Variants in SPECC1 observed in about 807,000 individuals in gnomAD.
The protein encoded by SPECC1 is sperm antigen with calponin homology and coiled-coil domains 1.
A neutral mutation model predicts 104.1 loss-of-function variants in SPECC1; 62 were observed. That is an observed-to-expected ratio of 0.60 (90% confidence interval 0.49 to 0.74). The LOEUF (loss-of-function observed/expected upper bound fraction) is 0.74. Among genes scored for constraint, SPECC1 ranks in the 30% least tolerant of loss-of-function variants. The pLI, the probability that SPECC1 is intolerant of heterozygous loss-of-function variation, is 0.00. For synonymous variants in SPECC1, 513 were observed against 501.6 expected (o/e 1.02, Z -0.30); for missense variants, 1,306 against 1,310.5 (o/e 1.00, Z 0.05).
chr17:20,169,169 A>G (rs536832184), intron 3 of SPECC1, among the ~76,000 whole-genome samples: 4 of 152,330 alleles, frequency 2.6e-5, no homozygotes, highest in African/African-American at 9.6e-5. Flanking sequence ...CACTCTGGCC[A>G]CAATGGTTTG....
intron 3 of SPECC1, among the ~76,000 whole-genome samples, chr17:20,167,935 GGTTAA>G (rs1203084530): frequency 6.6e-6 from 1 of 152,090 alleles, no homozygotes; most frequent in Non-Finnish European, 1.5e-5. Context: ...CTTAGGATCA[GGTTAA>G]GTCAAAGAAG....
intron 4 of SPECC1, among the ~76,000 whole-genome samples, chr17:20,226,076 A>C (rs2038185370): frequency 6.6e-6 from 1 of 152,218 alleles, no homozygotes; most frequent in African/African-American, 2.4e-5. Context: ...AATTGGAAAA[A>C]AATTTCATTT....
At chr17:20,029,780 T>C (rs899419483) in intron 1 of SPECC1, among the ~76,000 whole-genome samples, 8 of 152,242 alleles carry the variant, frequency 5.3e-5, no homozygotes, top group African/African-American at 1.7e-4. Context: ...TTCTAGTAAT[T>C]TGAGTCTTAC....
At chr17:20,175,460 G>T (rs1319955627) in intron 3 of SPECC1, among the ~76,000 whole-genome samples, 1 of 151,988 alleles carries the variant, frequency 6.6e-6, no homozygotes, top group Non-Finnish European at 1.5e-5. Flanking sequence ...ACTTGTATTG[G>T]ATCTTTTCAG....
chr17:20,222,593 GTTAT>G (rs1391313545), intron 4 of SPECC1, among the ~76,000 whole-genome samples: 1 of 152,158 alleles, frequency 6.6e-6, no homozygotes, highest in Non-Finnish European at 1.5e-5. Flanking sequence ...AAAAGTTGTA[GTTAT>G]TTCTCTTGAT....
intron 13 of SPECC1, among the ~76,000 whole-genome samples, chr17:20,303,252 T>C (rs757150027): frequency 6.6e-6 from 1 of 152,218 alleles, no homozygotes; most frequent in Non-Finnish European, 1.5e-5. Flanking sequence ...AATAGGAGAT[T>C]GCTGCCATTA....
At chr17:20,079,256 T>G (rs758205985) in intron 1 of SPECC1, among the ~76,000 whole-genome samples, 6 of 152,190 alleles carry the variant, frequency 3.9e-5, no homozygotes, top group Non-Finnish European at 8.8e-5. Context: ...CTCCTCACTT[T>G]CTTTTCCAAC....
At chr17:20,152,172 C>CT (rs1476410804) in intron 3 of SPECC1, among the ~76,000 whole-genome samples, 1 of 152,048 alleles carries the variant, frequency 6.6e-6, no homozygotes, top group Non-Finnish European at 1.5e-5. Flanking sequence ...TGGTAGCATG[C>CT]ACCTGTAATC....
intron 1 of SPECC1, among the ~76,000 whole-genome samples, chr17:20,060,655 G>A (rs754619994): frequency 2.0e-5 from 3 of 152,104 alleles, no homozygotes; most frequent in Non-Finnish European, 4.4e-5. Flanking sequence ...TACATCTCTT[G>A]ACATATAGGA....
chr17:20,156,658 A>G (rs1403868599), intron 3 of SPECC1, among the ~76,000 whole-genome samples: 1 of 151,870 alleles, frequency 6.6e-6, no homozygotes, highest in African/African-American at 2.4e-5. Context: ...TCTGCCCCTC[A>G]CACTCACGCC....
At chr17:20,017,354 CT>C (rs1416425654) in intron 1 of SPECC1, 1 of 152,758 alleles carries the variant, frequency 6.5e-6, no homozygotes, top group African/African-American at 2.4e-5. Context: ...CCCTTAAGAG[CT>C]GTAACACTCG....
chr17:20,156,871 C>G (rs1329921797), intron 3 of SPECC1, among the ~76,000 whole-genome samples: 16 of 152,092 alleles, frequency 1.1e-4, no homozygotes, highest in Non-Finnish European at 2.9e-5. Context: ...CTTTTAAAAA[C>G]AAAACGAAAC....
intron 7 of SPECC1, 165 bp downstream of exon 7, chr17:20,232,570 T>G: frequency 3.6e-5 from 26 of 726,426 alleles, no homozygotes; most frequent in Non-Finnish European, 4.9e-5. Context: ...TTCTGTACAG[T>G]ACCCAGTCCC....
At chr17:20,164,169 ATT>A (rs757191309) in intron 3 of SPECC1, among the ~76,000 whole-genome samples, 15 of 135,210 alleles carry the variant, frequency 1.1e-4, no homozygotes, top group Admixed American at 7.4e-5. Context: ...TTCCCATGTA[ATT>A]TTTTTTTTTT....
intron 1 of SPECC1, among the ~76,000 whole-genome samples, chr17:20,078,706 TACAA>T (rs1336667662): frequency 6.6e-6 from 1 of 152,188 alleles, no homozygotes; most frequent in East Asian, 1.9e-4. Context: ...GCATAAACAA[TACAA>T]ACATATTTAT....
At chr17:20,093,855 C>G (rs549909231) in intron 1 of SPECC1, among the ~76,000 whole-genome samples, 1 of 151,952 alleles carries the variant, frequency 6.6e-6, no homozygotes, top group East Asian at 1.9e-4. Flanking sequence ...CTCATCTCCC[C>G]AAGTAGCTGG....
At chr17:20,166,925 C>CAGTG (rs1413017533) in intron 3 of SPECC1, among the ~76,000 whole-genome samples, 2 of 151,824 alleles carry the variant, frequency 1.3e-5, no homozygotes, top group Non-Finnish European at 2.9e-5. Flanking sequence ...CTGGGCAACA[C>CAGTG]AGTGAGACAC....
At chr17:20,055,264 CTTT>C (rs34705944) in intron 1 of SPECC1, among the ~76,000 whole-genome samples, 2 of 148,214 alleles carry the variant, frequency 1.3e-5, no homozygotes, top group Non-Finnish European at 3.0e-5. Context: ...ATAGAATTTC[CTTT>C]TTTTTTTTTA....
At chr17:20,299,555 C>CAAAAA (rs57493380) in intron 13 of SPECC1, among the ~76,000 whole-genome samples, 548 of 37,684 alleles carry the variant, frequency 0.015, no homozygotes, top group Middle Eastern at 0.048. Flanking sequence ...GACCCTGTCT[C>CAAAAA]AAAAAAAAAA....
Sources: allele counts gnomAD v4.1 joint callset (sites outside exome capture counted in the v4.1 genomes callset), GRCh38; gene constraint gnomAD v4.1.1; transcripts MANE v1.5; gene names NCBI Gene and HGNC (gene_info 2026-07-23, HGNC 2026-07-21).